ZNF215: variants seen among roughly 807,000 people sequenced by gnomAD.
ZNF215 encodes the protein zinc finger protein 215.
In ZNF215, 24 loss-of-function variants were observed where a neutral mutation model predicts 27.2. The ratio of observed to expected loss-of-function variants is 0.88; its 90% CI spans 0.64 to 1.24. The LOEUF is 1.24. ZNF215 is among the 50% of genes most tolerant of loss of function. The pLI, the probability that ZNF215 is intolerant of heterozygous loss-of-function variation, is 0.00. For synonymous variants in ZNF215, 210 were observed against 204.0 expected (o/e 1.03, Z -0.25); for missense variants, 675 against 605.7 (o/e 1.11, Z -1.20).
downstream of ZNF215, among the ~76,000 whole-genome samples, chr11:6,962,347 AC>A (rs777965124): frequency 1.1e-4 from 17 of 152,116 alleles, no homozygotes; most frequent in Non-Finnish European, 2.1e-4. Flanking sequence ...GAGTTAAAGA[AC>A]CCATTGATGT....
At chr11:6,934,646 T>C (rs1849374546) in intron 3 of ZNF215, among the ~76,000 whole-genome samples, 1 of 152,214 alleles carries the variant, frequency 6.6e-6, no homozygotes, top group Admixed American at 6.5e-5. Context: ...TGCTCACTCA[T>C]GGTGCTTCTC....
intron 5 of ZNF215, among the ~76,000 whole-genome samples, chr11:6,967,400 G>A (rs1316907503): frequency 1.3e-5 from 2 of 152,190 alleles, no homozygotes; most frequent in East Asian, 1.9e-4. Flanking sequence ...CACAATGGTT[G>A]AACTAATTTA....
chr11:6,975,366 C>G (rs1850809853), intron 5 of ZNF215, among the ~76,000 whole-genome samples: 1 of 151,934 alleles, frequency 6.6e-6, no homozygotes, highest in Non-Finnish European at 1.5e-5. Context: ...TCCCCTCAAG[C>G]ATTTATCCTT....
At chr11:6,941,365 C>T (rs1265016054) in intron 3 of ZNF215, among the ~76,000 whole-genome samples, 1 of 152,164 alleles carries the variant, frequency 6.6e-6, no homozygotes, top group Non-Finnish European at 1.5e-5. Context: ...CCCATGGTAG[C>T]ATATCAGAAT....
chr11:6,990,176 G>T (rs1458200270), downstream of ZNF215, among the ~76,000 whole-genome samples: 1 of 152,104 alleles, frequency 6.6e-6, no homozygotes, highest in Non-Finnish European at 1.5e-5. Context: ...TTGAAAGCTT[G>T]TGCCAAAGTA....
In ZNF215 at chr11:6,955,831, C is replaced by T; in HGVS notation, c.854C>T (p.Pro285Leu). 4 of 1,613,562 alleles carry T rather than the reference C, an allele frequency of 2.5e-6. No homozygotes were observed. Among genetic ancestry groups the T allele is most frequent in the East Asian group, 4.5e-5 (2 of 44,866 alleles). ...CAGAAAAAATGGGACATAAATTTGCCACAAGAGGCTTTCATTCCTGAGACA... is the reference window on the plus strand; with the variant it reads ...CAGAAAAAATGGGACATAAATTTGCTACAAGAGGCTTTCATTCCTGAGACA... ...RNQKKWDINL[P>L]QEAFIPETIY... The change falls in exon 7 of 7, where the codon CCA (proline) becomes CTA (leucine). Residue 285 changes from proline (P) to leucine (L), a missense_variant. Transcript: ENST00000278319.
Position 6,979,893 on chromosome 11 carries a change from G to T in ZNF215, c.806-4236G>T, listed in dbSNP as rs536117876. Among the ~76,000 whole-genome samples the T allele has an allele frequency of 3.9e-4, 59 of 152,224 alleles. 1 individual carries two copies. In the Middle Eastern group the frequency reaches 0.02, roughly 53 times the overall value. On this transcript the variant is annotated intron_variant, in intron 5 of 5. Transcript: ENST00000529903. ...CAGCTATAAACGTGATAGACTTACA[G>T]ATGTAAAATATTTTTTAAAAGCTTA...
chr11:6,986,744 A>G (rs1851058989), downstream of ZNF215, among the ~76,000 whole-genome samples: 1 of 151,936 alleles, frequency 6.6e-6, no homozygotes, highest in South Asian at 2.1e-4. Flanking sequence ...CAACAAATAT[A>G]TGAAAAAATG....
In ZNF215 at chr11:6,953,067, C is replaced by A. The variant is rs540790204; in HGVS notation, c.713-2623C>A. Among the ~76,000 whole-genome samples, 16 of 152,336 alleles carry A rather than the reference C, an allele frequency of 1.1e-4. No homozygotes were observed. The South Asian group carries it at 3.1e-3, about 30-fold the overall frequency. On this transcript the variant is annotated intron_variant, in intron 6 of 6. Coordinates refer to ENST00000278319, the MANE Select transcript of ZNF215 (RefSeq NM_013250.4). ...TAAGAATGTTGAATATTGGCCCCCA[C>A]TCTCTTCTGGCTTGTAGAGTTTCTG...
chr11:6,989,150 CAA>C (rs71056776), downstream of ZNF215, among the ~76,000 whole-genome samples: 1,779 of 76,716 alleles, frequency 0.023, 25 homozygotes, highest in African/African-American at 0.074. Flanking sequence ...AGATCCGTCT[CAA>C]AAAAAAAAAA....
intron 6 of ZNF215, among the ~76,000 whole-genome samples, chr11:6,954,878 C>T (rs905511777): frequency 6.6e-6 from 1 of 152,092 alleles, no homozygotes; most frequent in African/African-American, 2.4e-5. Flanking sequence ...GCCATCTTGG[C>T]TCCATATATG....
chr11:6,978,734 C>T (rs2133349355), intron 5 of ZNF215, among the ~76,000 whole-genome samples: 1 of 144,848 alleles, frequency 6.9e-6, no homozygotes, highest in Admixed American at 7.1e-5. Flanking sequence ...GCCTGGGCAA[C>T]ATAGCAAGGC....
chr11:6,976,956 G>A (rs1054861310), intron 5 of ZNF215, among the ~76,000 whole-genome samples: 4 of 152,018 alleles, frequency 2.6e-5, no homozygotes, highest in African/African-American at 7.2e-5. Context: ...GTCTCTAGAA[G>A]GTCTGGGGAG....
intron 3 of ZNF215, among the ~76,000 whole-genome samples, chr11:6,937,415 A>T (rs1370549009): frequency 3.3e-5 from 5 of 151,644 alleles, no homozygotes; most frequent in Non-Finnish European, 5.9e-5. Context: ...GGAAAACTTA[A>T]TATCATAAAG....
At chr11:6,982,176 T>G (rs1199251283) in intron 5 of ZNF215, among the ~76,000 whole-genome samples, 1 of 152,078 alleles carries the variant, frequency 6.6e-6, no homozygotes, top group Non-Finnish European at 1.5e-5. Flanking sequence ...GGGGATGGCA[T>G]TGAGTCTATA....
intron 6 of ZNF215, among the ~76,000 whole-genome samples, chr11:6,954,388 A>T (rs1355562040): frequency 6.6e-6 from 1 of 152,180 alleles, no homozygotes; most frequent in Non-Finnish European, 1.5e-5. Flanking sequence ...GGTGGGCTCC[A>T]CCCAGTTCAA....
intron 6 of ZNF215, among the ~76,000 whole-genome samples, chr11:6,954,493 G>A (rs1427319024): frequency 1.3e-5 from 2 of 152,238 alleles, no homozygotes; most frequent in Non-Finnish European, 2.9e-5. Flanking sequence ...ATGTCAGACT[G>A]CTGTGCTAGC....
downstream of ZNF215, among the ~76,000 whole-genome samples, chr11:6,962,178 C>CT (rs1469019188): frequency 6.6e-6 from 1 of 152,072 alleles, no homozygotes; most frequent in Non-Finnish European, 1.5e-5. Context: ...CTTTTTAATC[C>CT]TTAGGCCTGA....
At chr11:6,991,143 T>C (rs947647599), downstream of ZNF215, among the ~76,000 whole-genome samples, 1 of 152,242 alleles carries the variant, frequency 6.6e-6, no homozygotes, top group African/African-American at 2.4e-5. Flanking sequence ...ACAAGCTGCC[T>C]GGACTGTGGG....
Sources: gnomAD v4.1 joint callset for allele counts (sites outside exome capture counted in the v4.1 genomes callset) on GRCh38, gnomAD v4.1.1 for gene constraint, MANE v1.5 for transcripts, NCBI Gene and HGNC (gene_info 2026-07-23, HGNC 2026-07-21) for gene names.